Variants in ATP11B observed in about 807,000 individuals in gnomAD.
ATP11B encodes ATPase phospholipid transporting 11B (putative).
ATP11B carries 81 observed loss-of-function variants against 157.8 expected under a neutral mutation model. The observed-to-expected ratio is 0.51, with a 90% confidence interval of 0.43 to 0.62. The LOEUF is 0.62. ATP11B is among the 20% of genes least tolerant of loss of function. ATP11B has a pLI of 0.00. For synonymous variants in ATP11B, 451 were observed against 469.4 expected (o/e 0.96, Z 0.51); for missense variants, 1,165 against 1,402.2 (o/e 0.83, Z 2.70).
At chr3:182,899,636 TGATA>T (rs1560124497) in intron 28 of ATP11B, among the ~76,000 whole-genome samples, 1 of 152,214 alleles carries the variant, frequency 6.6e-6, no homozygotes, top group Non-Finnish European at 1.5e-5. Context: ...CTTTGGGGCC[TGATA>T]GATCTCAGTT....
intron 8 of ATP11B, among the ~76,000 whole-genome samples, chr3:182,844,770 A>G (rs926605213): frequency 6.6e-6 from 1 of 152,098 alleles, no homozygotes; most frequent in African/African-American, 2.4e-5. Flanking sequence ...AAAGCTGTTT[A>G]TTAACTTTGC....
chr3:182,858,335 A>G (rs1314843990), intron 11 of ATP11B, among the ~76,000 whole-genome samples: 2 of 152,362 alleles, frequency 1.3e-5, no homozygotes, highest in Non-Finnish European at 2.9e-5. Context: ...TTTCTCTTCC[A>G]CTTACTGTGT....
chr3:182,848,006 C>A (rs1171423835), intron 9 of ATP11B, among the ~76,000 whole-genome samples: 2 of 152,188 alleles, frequency 1.3e-5, no homozygotes, highest in Admixed American at 1.3e-4. Context: ...TGACAGACTT[C>A]CATGTTATCT....
At chr3:182,812,698 G>A (rs1222782176) in intron 1 of ATP11B, among the ~76,000 whole-genome samples, 2 of 152,250 alleles carry the variant, frequency 1.3e-5, no homozygotes, top group Middle Eastern at 6.8e-3. Flanking sequence ...GGATGAAGTT[G>A]ATTTCTAAAA....
chr3:182,841,281 T>A (rs909419901), intron 7 of ATP11B, among the ~76,000 whole-genome samples: 2 of 152,248 alleles, frequency 1.3e-5, no homozygotes, highest in Non-Finnish European at 2.9e-5. Flanking sequence ...TAATTTACTT[T>A]TTTATTATGT....
Position 182,837,051 on chromosome 3 carries a change from G to A in ATP11B, c.553-20G>A, listed in dbSNP as rs577299640. 17 of 1,589,152 alleles carry A rather than the reference G, an allele frequency of 1.1e-5. No individual in the cohort carries two copies. The East Asian group carries it at 3.6e-4, about 33-fold the overall frequency. Reference sequence around the variant, plus strand: ...GCAATTTGGATCTGAAAACTCTACAGTTTAATTCATTTTTTTCAGACACAT... The same window carrying A: ...GCAATTTGGATCTGAAAACTCTACAATTTAATTCATTTTTTTCAGACACAT... On this transcript the variant is annotated intron_variant, in intron 6 of 29. Transcript: ENST00000323116.
intron 21 of ATP11B, among the ~76,000 whole-genome samples, chr3:182,883,294 G>A (rs1199546992): frequency 2.0e-5 from 3 of 148,366 alleles, no homozygotes; most frequent in African/African-American, 7.5e-5. Flanking sequence ...CTTCACTCTT[G>A]TTTGCCAGGC....
intron 28 of ATP11B, among the ~76,000 whole-genome samples, chr3:182,912,025 G>T (rs534941510): frequency 6.6e-6 from 1 of 152,264 alleles, no homozygotes; most frequent in South Asian, 2.1e-4. Flanking sequence ...AGCAGGAAAG[G>T]CAGCCTGGGG....
At chr3:182,883,682 G>A (rs1429704193) in intron 21 of ATP11B, among the ~76,000 whole-genome samples, 5 of 151,582 alleles carry the variant, frequency 3.3e-5, no homozygotes, top group Non-Finnish European at 5.9e-5. Context: ...TAGGCCGGGC[G>A]CGGTGGCTCA....
intron 25 of ATP11B, among the ~76,000 whole-genome samples, 187 bp downstream of exon 25, chr3:182,889,735 T>C (rs1723052032): frequency 6.6e-6 from 1 of 152,214 alleles, no homozygotes; most frequent in Non-Finnish European, 1.5e-5. Context: ...GGCAATACAG[T>C]GTAATCTCGA....
intron 8 of ATP11B, 115 bp from the exon 9 acceptor site, chr3:182,845,343 A>G: frequency 1.1e-6 from 1 of 872,932 alleles, no homozygotes; most frequent in Non-Finnish European, 1.7e-6. Context: ...TTTTGGTTTT[A>G]TATGAAAGTG....
At chr3:182,836,762 T>G (rs1320686602) in intron 6 of ATP11B, 2 of 490,242 alleles carry the variant, frequency 4.1e-6, no homozygotes, top group Non-Finnish European at 7.1e-6. Context: ...TTATATTTTC[T>G]CAGTTTTCAG....
intron 10 of ATP11B, among the ~76,000 whole-genome samples, chr3:182,855,655 A>G (rs970146427): frequency 6.6e-6 from 1 of 152,174 alleles, no homozygotes; most frequent in South Asian, 2.1e-4. Flanking sequence ...GTTTAGAAAC[A>G]TAAAGAACTC....
intron 27 of ATP11B, 86 bp from the exon 28 acceptor site, chr3:182,898,521 A>G: frequency 9.8e-7 from 1 of 1,024,432 alleles, no homozygotes; most frequent in Non-Finnish European, 1.3e-6. Context: ...AGTACTTGTT[A>G]CTTTCAACTG....
chr3:182,851,695 A>T (rs1366239176), intron 10 of ATP11B, among the ~76,000 whole-genome samples: 1 of 152,236 alleles, frequency 6.6e-6, no homozygotes, highest in African/African-American at 2.4e-5. Flanking sequence ...CTGAATATTA[A>T]AATGTTTGGT....
At chr3:182,822,328 T>C (rs1025200761) in intron 2 of ATP11B, among the ~76,000 whole-genome samples, 9 of 152,106 alleles carry the variant, frequency 5.9e-5, no homozygotes, top group African/African-American at 2.2e-4. Context: ...CCAAGTGTTC[T>C]CATTGTTCTG....
chr3:182,821,628 A>G (rs1717351599), intron 2 of ATP11B, among the ~76,000 whole-genome samples: 1 of 152,182 alleles, frequency 6.6e-6, no homozygotes, highest in Non-Finnish European at 1.5e-5. Flanking sequence ...TCATGATGGA[A>G]TTGTCCCATA....
At chr3:182,853,574 C>T (rs894205586) in intron 10 of ATP11B, among the ~76,000 whole-genome samples, 6 of 151,914 alleles carry the variant, frequency 3.9e-5, no homozygotes, top group Non-Finnish European at 8.8e-5. Flanking sequence ...ACAGTAGTAT[C>T]AAAAAGCGTA....
chr3:182,842,027 A>T, intron 7 of ATP11B, 48 bp from the exon 8 acceptor site: 398 of 888,128 alleles, frequency 4.5e-4, no homozygotes, highest in Non-Finnish European at 6.6e-4. Flanking sequence ...ACAGCCATTG[A>T]TGTCATAAGT....
Sources: allele counts gnomAD v4.1 joint callset (sites outside exome capture counted in the v4.1 genomes callset), GRCh38; gene constraint gnomAD v4.1.1; transcripts MANE v1.5; gene names NCBI Gene and HGNC (gene_info 2026-07-23, HGNC 2026-07-21).